UBE2E2: variants seen among roughly 807,000 people sequenced by gnomAD.
UBE2E2 encodes ubiquitin conjugating enzyme E2 E2, also known as ubiquitin-conjugating enzyme E2 E2.
Under a neutral mutation model 24.7 loss-of-function variants are expected in UBE2E2, and 6 were observed. The observed-to-expected ratio is 0.24, with a 90% confidence interval of 0.13 to 0.48. The LOEUF (loss-of-function observed/expected upper bound fraction) is 0.48. Among genes scored for constraint, UBE2E2 ranks in the 20% least tolerant of loss-of-function variants. The pLI, the probability that UBE2E2 is intolerant of heterozygous loss-of-function variation, is 0.99. For synonymous variants in UBE2E2, 104 were observed against 83.6 expected, an observed-to-expected ratio of 1.24 and a Z score of -1.33; for missense variants, 169 against 245.0, an observed-to-expected ratio of 0.69 and a Z score of 2.07.
intron 5 of UBE2E2, among the ~76,000 whole-genome samples, chr3:23,575,065 A>T (rs909808492): frequency 6.6e-6 from 1 of 152,288 alleles, no homozygotes; most frequent in Non-Finnish European, 1.5e-5. Context: ...CATTAAAACC[A>T]TGTTTGTTCC....
At chr3:23,245,719 T>C (rs1303544421) in intron 3 of UBE2E2, among the ~76,000 whole-genome samples, 1 of 152,162 alleles carries the variant, frequency 6.6e-6, no homozygotes, top group Non-Finnish European at 1.5e-5. Flanking sequence ...AATTTTACAG[T>C]TTTAAAGGGC....
chr3:23,359,189 C>T (rs967075089), intron 3 of UBE2E2, among the ~76,000 whole-genome samples: 1 of 152,048 alleles, frequency 6.6e-6, no homozygotes, highest in Admixed American at 6.5e-5. Context: ...GCCTGTGTTT[C>T]TTGTACTCTT....
chr3:23,465,068 CTGA>C (rs1246997116), intron 3 of UBE2E2, among the ~76,000 whole-genome samples: 2 of 152,170 alleles, frequency 1.3e-5, no homozygotes, highest in African/African-American at 4.8e-5. Flanking sequence ...CTTCATGTAG[CTGA>C]TAAGCTAGCA....
intron 3 of UBE2E2, among the ~76,000 whole-genome samples, chr3:23,320,523 C>T (rs1419440419): frequency 6.6e-6 from 1 of 152,206 alleles, no homozygotes; most frequent in Admixed American, 6.5e-5. Flanking sequence ...CCCTAGGCAT[C>T]TGCTAATCTA....
intron 3 of UBE2E2, among the ~76,000 whole-genome samples, chr3:23,299,349 T>G (rs1212920963): frequency 6.6e-6 from 1 of 152,240 alleles, no homozygotes; most frequent in East Asian, 1.9e-4. Flanking sequence ...TTGCTCTTGC[T>G]TCTCTAGCTC....
chr3:23,255,936 C>G (rs1293511964), intron 3 of UBE2E2, among the ~76,000 whole-genome samples: 1 of 152,176 alleles, frequency 6.6e-6, no homozygotes, highest in African/African-American at 2.4e-5. Flanking sequence ...TGAATAGCCA[C>G]TGCAGTTCAG....
At chr3:23,367,457 G>A (rs1277186194) in intron 3 of UBE2E2, among the ~76,000 whole-genome samples, 1 of 152,114 alleles carries the variant, frequency 6.6e-6, no homozygotes, top group Non-Finnish European at 1.5e-5. Flanking sequence ...AATCAATCAT[G>A]CTTATGTTAT....
At chr3:23,549,327 T>A (rs547946654) in intron 5 of UBE2E2, among the ~76,000 whole-genome samples, 2 of 152,344 alleles carry the variant, frequency 1.3e-5, no homozygotes, top group South Asian at 4.1e-4. Flanking sequence ...TTTCTCTAAG[T>A]CATAGTGACA....
In UBE2E2 at chr3:23,414,530, G is replaced by A. The variant is rs574852128; in HGVS notation, c.228-85078G>A. Among the ~76,000 whole-genome samples the A allele has an allele frequency of 6.4e-4, 98 of 152,198 alleles. 6 individuals are homozygous for A. Among genetic ancestry groups the A allele is most frequent in the Non-Finnish European group, 3.8e-4 (26 of 68,024 alleles). ...AACAATGGGGATTACAGTTGAACAT[G>A]AGATTTGGGTGGGGACACAGATTCA... On this transcript the variant is annotated intron_variant, in intron 3 of 5. Transcript: ENST00000396703.
At chr3:23,203,296 A>G, upstream of UBE2E2, 1 of 987,482 alleles carries the variant, frequency 1.0e-6, no homozygotes, top group Non-Finnish European at 1.2e-6. Flanking sequence ...CGGCGGGGAC[A>G]GGCGTGGTCG....
intron 5 of UBE2E2, among the ~76,000 whole-genome samples, chr3:23,535,277 G>A (rs926332776): frequency 1.3e-5 from 2 of 152,190 alleles, no homozygotes; most frequent in African/African-American, 2.4e-5. Context: ...ATGGTAATGT[G>A]TTGTTGATAT....
intron 3 of UBE2E2, among the ~76,000 whole-genome samples, chr3:23,487,094 G>A (rs954783566): frequency 6.6e-6 from 1 of 152,226 alleles, no homozygotes; most frequent in Non-Finnish European, 1.5e-5. Flanking sequence ...CCCTCCCTGA[G>A]TTCGTCAGAA....
At chr3:23,511,785 A>G in intron 4 of UBE2E2, among the ~76,000 whole-genome samples, 1 of 152,196 alleles carries the variant, frequency 6.6e-6, no homozygotes, top group East Asian at 1.9e-4. Flanking sequence ...AGCTTATATA[A>G]TAATACCTCA....
At chr3:23,267,282 G>T (rs1443667707) in intron 3 of UBE2E2, among the ~76,000 whole-genome samples, 1 of 151,686 alleles carries the variant, frequency 6.6e-6, no homozygotes, top group African/African-American at 2.4e-5. Flanking sequence ...TTTTTGAAAG[G>T]ATCAACAAAA....
intron 3 of UBE2E2, among the ~76,000 whole-genome samples, chr3:23,458,790 A>G (rs1419682377): frequency 6.6e-6 from 1 of 152,220 alleles, no homozygotes; most frequent in Non-Finnish European, 1.5e-5. Flanking sequence ...AATGAGACAC[A>G]GAGACATAAA....
chr3:23,432,414 A>G (rs972458083), intron 3 of UBE2E2, among the ~76,000 whole-genome samples: 1 of 152,120 alleles, frequency 6.6e-6, no homozygotes, highest in African/African-American at 2.4e-5. Context: ...GCAAATTTCT[A>G]GAAATGATTA....
chr3:23,319,222 C>G (rs1694675043), intron 3 of UBE2E2, among the ~76,000 whole-genome samples: 2 of 152,098 alleles, frequency 1.3e-5, no homozygotes, highest in African/African-American at 4.8e-5. Flanking sequence ...ATAAAATAAA[C>G]AGGAAGGAAT....
rs1224355603 is a variant in UBE2E2 at position 23,583,306 on chromosome 3, G to A, written c.509-6428G>A. Among the ~76,000 whole-genome samples, 1 of 152,114 alleles carries A rather than the reference G, an allele frequency of 6.6e-6. No homozygotes were observed. The highest frequency in any genetic ancestry group is 1.5e-5 in the Non-Finnish European group (1 of 68,014). ...AGTCTATGTGTCTGTTTTTGTACCA[G>A]TATCATGCTGTTTTGGTTACTATAG... On this transcript the variant is annotated intron_variant, in intron 5 of 5. Transcript: ENST00000396703. This position sits in a 1 kb window ranked among gnomAD's most constrained non-coding sequence, Gnocchi z 4.1.
At chr3:23,219,306 A>G (rs1304818637) in intron 3 of UBE2E2, among the ~76,000 whole-genome samples, 1 of 152,140 alleles carries the variant, frequency 6.6e-6, no homozygotes, top group Admixed American at 6.6e-5. Context: ...TGGTTAATCA[A>G]CACTTATCAG....
Sources: allele counts gnomAD v4.1 joint callset (sites outside exome capture counted in the v4.1 genomes callset), GRCh38; gene constraint gnomAD v4.1.1; non-coding constraint Gnocchi (gnomAD v3.1); transcripts MANE v1.5; gene names NCBI Gene and HGNC (gene_info 2026-07-23, HGNC 2026-07-21).